PTCHD4: variants seen among roughly 807,000 people sequenced by gnomAD.
PTCHD4 encodes patched domain containing 4, also known as patched domain-containing protein 4.
In PTCHD4, 33 loss-of-function variants were observed where a neutral mutation model predicts 58.1. The ratio of observed to expected loss-of-function variants is 0.57; its 90% confidence interval spans 0.43 to 0.76. PTCHD4 has a LOEUF of 0.76. Ranked by LOEUF, PTCHD4 falls within the 30% of genes least tolerant of loss-of-function variation. The probability of loss-of-function intolerance (pLI) is 0.00; values close to 1 mark genes in which losing one functional copy is unlikely to be tolerated. For missense variants in PTCHD4, 1,058 were observed against 1,027.1 expected (o/e 1.03, Z -0.41); for synonymous variants, 478 against 409.6 (o/e 1.17, Z -2.02).
chr6:48,038,325 G>A (rs1763719257), intron 3 of PTCHD4, among the ~76,000 whole-genome samples: 1 of 151,982 alleles, frequency 6.6e-6, no homozygotes, highest in Non-Finnish European at 1.5e-5. Context: ...AATGTAATTT[G>A]GGTTCTAAGG....
rs1399388524 is a variant in PTCHD4, at chr6:47,858,386, A to G, written c.*19917T>C. On this transcript the variant is annotated 3_prime_UTR_variant, in exon 5 of 5. Coordinates refer to ENST00000339488, the MANE Select transcript of PTCHD4 (RefSeq NM_001384253.1). Reference sequence around the variant, plus strand: ...CAGCTTACCTTAACTTCAAGATTCAAGTGGATAAAAATATAAGTAACAATC... The same window carrying G: ...CAGCTTACCTTAACTTCAAGATTCAGGTGGATAAAAATATAAGTAACAATC... Among the ~76,000 whole-genome samples the G allele has an allele frequency of 6.6e-6, 1 of 152,020 alleles. No homozygotes were observed. The highest frequency in any genetic ancestry group is 1.5e-5 in the Non-Finnish European group (1 of 67,956).
intron 3 of PTCHD4, among the ~76,000 whole-genome samples, chr6:48,060,765 G>A (rs754570537): frequency 9.9e-5 from 15 of 152,146 alleles, no homozygotes; most frequent in African/African-American, 3.4e-4. Context: ...GTGAGCCACC[G>A]TGCCTGACAC....
intron 1 of PTCHD4, among the ~76,000 whole-genome samples, chr6:48,102,482 G>A (rs962267550): frequency 1.3e-5 from 2 of 152,182 alleles, no homozygotes; most frequent in African/African-American, 4.8e-5. Context: ...TCTTGAGGGT[G>A]GAGCCAAGAT....
rs1217778594 is a variant in PTCHD4 at position 47,878,557 on chromosome 6, C to T, written c.2278G>A (p.Val760Ile). The T allele has an allele frequency of 6.2e-7, 1 of 1,613,496 alleles. No homozygotes were observed. The highest frequency in any genetic ancestry group is 1.7e-5 in the Admixed American group (1 of 59,892). The change falls in exon 5 of 5, where the codon GTT becomes ATT. Residue 760 changes from valine to isoleucine, a missense_variant. By Grantham distance (29) the Val-to-Ile change is conservative. Transcript: ENST00000339488. Reference protein sequence around the residue: ...QDHGTAILQNVTSFLIGLVPL... With the variant: ...QDHGTAILQNITSFLIGLVPL... ...ACTAACCCAATAAGAAAAGAAGTAACATTTTGCAAAATGGCTGTCCCATGG... is the reference window on the plus strand; with the variant it reads ...ACTAACCCAATAAGAAAAGAAGTAATATTTTGCAAAATGGCTGTCCCATGG...
At chr6:48,083,948 A>G (rs1057408112) in intron 1 of PTCHD4, among the ~76,000 whole-genome samples, 15 of 152,194 alleles carry the variant, frequency 9.9e-5, no homozygotes, top group African/African-American at 3.6e-4. Flanking sequence ...GTTAAGCCAC[A>G]TTATACTCAG....
rs533663368 is a variant in PTCHD4, at chr6:47,866,866, T to A, written c.*11437A>T. On this transcript the variant is annotated 3_prime_UTR_variant, in exon 5 of 5. Coordinates refer to ENST00000339488, the MANE Select transcript of PTCHD4 (RefSeq NM_001384253.1). ...AGGAAGTGAATTTAAAAAATAGTTT[T>A]AAGCATTTTAACAAACTCATTGTCT... 1.3e-5 allele frequency among the ~76,000 whole-genome samples: 2 copies of A among 151,970 alleles called. No homozygotes were observed. The highest frequency in any genetic ancestry group is 4.8e-5 in the African/African-American group (2 of 41,518).
chr6:47,858,723 TA>T lies in PTCHD4; in HGVS notation c.*19579del, dbSNP rs1763354901. On this transcript the variant is annotated 3_prime_UTR_variant, in exon 5 of 5. Coordinates refer to ENST00000339488, the MANE Select transcript of PTCHD4 (RefSeq NM_001384253.1). ...TCAGAATTTCTGTGGGTGGAATAAA[TA>T]ATAAACCTGCTGATGTTAAGAAAAC... is the stretch of plus-strand genomic sequence containing the variant. Among the ~76,000 whole-genome samples, 1 of 151,954 alleles carries T rather than the reference TA, an allele frequency of 6.6e-6. No individual in the cohort carries two copies. Among genetic ancestry groups the T allele is most frequent in the Non-Finnish European group, 1.5e-5 (1 of 67,946 alleles).
chr6:47,965,023 G>A (rs1048962074), intron 4 of PTCHD4, among the ~76,000 whole-genome samples: 1 of 152,108 alleles, frequency 6.6e-6, no homozygotes, highest in Non-Finnish European at 1.5e-5. Context: ...TTTATAAAAG[G>A]ATTCCTGCCA....
chr6:48,104,789 A>T (rs113094496), intron 1 of PTCHD4, among the ~76,000 whole-genome samples: 197 of 152,326 alleles, frequency 1.3e-3, no homozygotes, highest in African/African-American at 4.2e-3. Flanking sequence ...AAAAAAAGGC[A>T]GGGGTTGCAA....
intron 4 of PTCHD4, among the ~76,000 whole-genome samples, chr6:47,902,608 T>C (rs1243252021): frequency 6.6e-6 from 1 of 152,204 alleles, no homozygotes; most frequent in Non-Finnish European, 1.5e-5. Context: ...TTAGCAATAG[T>C]TTTCACTTCC....
intron 3 of PTCHD4, among the ~76,000 whole-genome samples, chr6:48,045,555 A>T (rs1277913906): frequency 6.6e-6 from 1 of 151,800 alleles, no homozygotes; most frequent in Non-Finnish European, 1.5e-5. Context: ...TCAGAGCATA[A>T]GAGCTAATAT....
At position 48,050,601 on chromosome 6, in the gene PTCHD4, G is replaced by A. The variant is rs1037998482; in HGVS notation, c.417+17629C>T. Among the ~76,000 whole-genome samples, 4 of 152,104 alleles carry A rather than the reference G, an allele frequency of 2.6e-5. No individual in the cohort carries two copies. In the East Asian group the frequency reaches 7.8e-4, roughly 30 times the overall value. ...TAATATAGTGCTCTAAGGGCTGTTG[G>A]TGACAACCAAATAAATTCATGCACA... On this transcript the variant is annotated intron_variant, in intron 3 of 4. Transcript: ENST00000339488.
chr6:48,031,176 C>G (rs549367478), intron 3 of PTCHD4, among the ~76,000 whole-genome samples: 2 of 152,226 alleles, frequency 1.3e-5, no homozygotes, highest in South Asian at 4.1e-4. Flanking sequence ...GATATCTAGT[C>G]TAATTCTAAT....
At chr6:48,049,872 A>C (rs890507737) in intron 3 of PTCHD4, among the ~76,000 whole-genome samples, 1 of 152,000 alleles carries the variant, frequency 6.6e-6, no homozygotes, top group Non-Finnish European at 1.5e-5. Flanking sequence ...AGTAGTCATT[A>C]TTAAATAAGA....
At chr6:47,887,654 A>G (rs116586813) in intron 4 of PTCHD4, among the ~76,000 whole-genome samples, 168 of 152,340 alleles carry the variant, frequency 1.1e-3, no homozygotes, top group African/African-American at 4.0e-3. Context: ...CAGGGTAGAA[A>G]CAGGTTCATA....
At chr6:47,994,316 A>G (rs1291155179) in intron 4 of PTCHD4, among the ~76,000 whole-genome samples, 1 of 152,234 alleles carries the variant, frequency 6.6e-6, no homozygotes, top group African/African-American at 2.4e-5. Flanking sequence ...CCAATTATGC[A>G]TAGTGGGTCA....
At chr6:47,960,987 A>C (rs1767067144) in intron 4 of PTCHD4, among the ~76,000 whole-genome samples, 1 of 150,352 alleles carries the variant, frequency 6.7e-6, no homozygotes, top group Non-Finnish European at 1.5e-5. Context: ...AAAAAGAGAC[A>C]GTGTCTTGCT....
chr6:48,016,590 C>T (rs1470194339), intron 3 of PTCHD4, among the ~76,000 whole-genome samples: 1 of 151,810 alleles, frequency 6.6e-6, no homozygotes, highest in Non-Finnish European at 1.5e-5. Context: ...GGCCATAAAT[C>T]ATCTCATCAC....
chr6:48,028,427 G>GA (rs1438296568), intron 3 of PTCHD4, among the ~76,000 whole-genome samples: 1 of 152,002 alleles, frequency 6.6e-6, no homozygotes, highest in African/African-American at 2.4e-5. Flanking sequence ...AAGGTCTGTG[G>GA]AAAAGAAATC....
Sources: allele counts gnomAD v4.1 joint callset (sites outside exome capture counted in the v4.1 genomes callset), GRCh38; gene constraint gnomAD v4.1.1; transcripts MANE v1.5; gene names NCBI Gene and HGNC (gene_info 2026-07-23, HGNC 2026-07-21).